Variants in DDX24 observed in about 807,000 individuals in gnomAD.
DDX24 encodes the protein DEAD-box helicase 24.
A neutral mutation model predicts 68.9 loss-of-function variants in DDX24; 24 were observed. The ratio of observed to expected loss-of-function variants is 0.35; its 90% CI spans 0.25 to 0.49. The LOEUF is 0.49. Among genes scored for constraint, DDX24 ranks in the 20% least tolerant of loss-of-function variants. The probability of loss-of-function intolerance (pLI) is 0.99; values close to 1 mark genes in which losing one functional copy is unlikely to be tolerated. For missense variants in DDX24, 989 were observed against 1,039.0 expected (o/e 0.95, Z 0.66); for synonymous variants, 395 against 385.2 (o/e 1.03, Z -0.30).
intron 2 of DDX24, among the ~76,000 whole-genome samples, chr14:94,069,976 C>T (rs1251370982): frequency 6.6e-6 from 1 of 152,128 alleles, no homozygotes; most frequent in African/African-American, 2.4e-5. Context: ...CTACTCTTAC[C>T]ACTCCTCTTC....
chr14:94,060,770 CTCTTGGCTT>C, intron 4 of DDX24, 134 bp downstream of exon 4: 1 of 1,467,438 alleles, frequency 6.8e-7, no homozygotes, highest in South Asian at 1.4e-5. Flanking sequence ...CCCTCATGCA[CTCTTGGCTT>C]TCTAAAGGCC....
At position 94,051,239 on chromosome 14, in the gene DDX24, C is replaced by A; in HGVS notation, c.2532G>T (p.Pro844=). The A allele has an allele frequency of 6.3e-7, 1 of 1,590,356 alleles. No homozygotes were observed. Among genetic ancestry groups the A allele is most frequent in the East Asian group, 2.3e-5 (1 of 44,344 alleles). The change falls in exon 9 of 9, where the codon CCG becomes CCT. Residue 844 remains proline (P), a synonymous_variant. Transcript: ENST00000621632. The part of the protein sequence containing the change: ...SKQKKKKTKK[P]KEPQPEQPQP... ...GTGGCTGTTCCGGCTGTGGCTCCTTCGGCTTCTTTGTCTTCTTCTTCTTCT... is the reference window on the plus strand; with the variant it reads ...GTGGCTGTTCCGGCTGTGGCTCCTTAGGCTTCTTTGTCTTCTTCTTCTTCT...
chr14:94,051,782 G>A (rs1885392915), intron 8 of DDX24: 1 of 283,806 alleles, frequency 3.5e-6, no homozygotes, highest in Non-Finnish European at 6.5e-6. Context: ...ATCAGACAGA[G>A]CCCAGAACCC....
In DDX24 at chr14:94,079,470, C is replaced by G. The variant is rs1886013852; in HGVS notation, c.273G>C (p.Lys91Asn). 1 of 1,613,914 alleles carries G rather than the reference C, an allele frequency of 6.2e-7. No homozygotes were observed. Among genetic ancestry groups the G allele is most frequent in the African/African-American group, 1.3e-5 (1 of 74,892 alleles). The change falls in exon 2 of 9, where the codon AAG becomes AAC. Residue 91 changes from lysine to asparagine, a missense_variant. This residue lies in a region of DDX24 where 295 missense variants were observed against 263.0 expected (regional missense o/e 1.12). Coordinates refer to ENST00000621632, the MANE Select transcript of DDX24 (RefSeq NM_020414.4). The part of the protein sequence containing the change: ...VSEEEEEEEG[K>N]SSSPKKKIKL... The stretch of plus-strand genomic sequence containing the variant: ...TGATCTTTTTCTTTGGTGAGCTAGA[C>G]TTTCCCTCCTCCTCCTCCTCTTCTT...
At chr14:94,066,060 A>C (rs1462515264) in intron 2 of DDX24, among the ~76,000 whole-genome samples, 1 of 152,208 alleles carries the variant, frequency 6.6e-6, no homozygotes, top group Non-Finnish European at 1.5e-5. Context: ...AGGTAGGGGA[A>C]GAACTAAAGC....
intron 2 of DDX24, among the ~76,000 whole-genome samples, chr14:94,072,006 G>C (rs1008229842): frequency 3.7e-4 from 57 of 152,182 alleles, no homozygotes; most frequent in African/African-American, 1.3e-3. Flanking sequence ...GTCCTGGTGG[G>C]AAAGCAAACT....
At chr14:94,051,726 A>ACCACCGAGATCTAC in intron 8 of DDX24, 1 of 390,934 alleles carries the variant, frequency 2.6e-6, no homozygotes, top group Non-Finnish European at 4.5e-6. Flanking sequence ...CAGATGAGGC[A>ACCACCGAGATCTAC]ACTCAGGGTT....
In DDX24 at chr14:94,062,624, TA is replaced by T. The variant is rs780440997; in HGVS notation, c.719-4del. ...AAAGGCAAGAGTTTTCCCACTTCCT[TA>T]AAAGTAAAAAAACAAAACAAAGTAA... On this transcript the variant is annotated splice_polypyrimidine_tract_variant and splice_region_variant and intron_variant, in intron 2 of 8. Coordinates refer to ENST00000621632, the MANE Select transcript of DDX24 (RefSeq NM_020414.4). The T allele has an allele frequency of 5.1e-6, 8 of 1,577,642 alleles. No individual in the cohort carries two copies. The highest frequency in any genetic ancestry group is 1.7e-4 in the Middle Eastern group (1 of 5,780).
rs1166248762 is a variant in DDX24, at chr14:94,050,877, CTTCT to C, written c.*310_*313del. 5 of 289,434 alleles carry C rather than the reference CTTCT, an allele frequency of 1.7e-5. No homozygotes were observed. Among genetic ancestry groups the C allele is most frequent in the South Asian group, 2.9e-4 (2 of 6,920 alleles). 17.9% of individuals were successfully genotyped at this position (289,434 alleles called of 1,614,324 possible). A position where few individuals can be genotyped will look rare whatever the true frequency, so the allele number is the denominator to read the frequency against. ...AAACAAACTACACCACCACCCCCAT[CTTCT>C]ATCTAAAAAAAAAAAAAAAAAATCA... On this transcript the variant is annotated 3_prime_UTR_variant, in exon 9 of 9. Coordinates refer to ENST00000621632, the MANE Select transcript of DDX24 (RefSeq NM_020414.4).
intron 8 of DDX24, among the ~76,000 whole-genome samples, chr14:94,052,497 G>A (rs1885406632): frequency 6.6e-6 from 1 of 152,196 alleles, no homozygotes; most frequent in African/African-American, 2.4e-5. Context: ...TTGGAAGGCA[G>A]GTGTAGTAGG....
chr14:94,068,787 T>C (rs1220502329), intron 2 of DDX24, among the ~76,000 whole-genome samples: 1 of 152,178 alleles, frequency 6.6e-6, no homozygotes, highest in Non-Finnish European at 1.5e-5. Context: ...AAAATCAGTT[T>C]GTAAATTTAA....
At position 94,079,613 on chromosome 14, in the gene DDX24, T is replaced by A. The variant is rs776217886; in HGVS notation, c.130A>T (p.Met44Leu). 2 of 1,614,174 alleles carry A rather than the reference T, an allele frequency of 1.2e-6. No homozygotes were observed. The highest frequency in any genetic ancestry group is 2.2e-5 in the South Asian group (2 of 91,076). ...TCCTCAAAGCACACCAAGTCATCCA[T>A]CTGTCCATCTGCAAACATATTTGGG... is the stretch of plus-strand genomic sequence containing the variant. ...IDPNMFADGQ[M>L]DDLVCFEELT... The change falls in exon 2 of 9, where the codon ATG becomes TTG. Residue 44 changes from methionine (M) to leucine (L), a missense_variant. By Grantham distance (15) the Met-to-Leu change is conservative (BLOSUM62 2). This residue lies in a region of DDX24 where 295 missense variants were observed against 263.0 expected (regional missense o/e 1.12). Transcript: ENST00000621632.
Position 94,062,092 on chromosome 14 carries a change from C to T in DDX24, c.1243+5G>A. The T allele has an allele frequency of 6.2e-7, 1 of 1,601,612 alleles. No individual in the cohort carries two copies. Among genetic ancestry groups the T allele is most frequent in the Non-Finnish European group, 8.5e-7 (1 of 1,173,456 alleles). The stretch of plus-strand genomic sequence containing the variant: ...AAATATTTATTAAATGGAACTAAAC[C>T]TCACCTGTAAACCTGGCCACAGCAT... On this transcript the variant is annotated splice_donor_5th_base_variant and intron_variant, in intron 3 of 8. Coordinates refer to ENST00000621632, the MANE Select transcript of DDX24 (RefSeq NM_020414.4).
intron 2 of DDX24, among the ~76,000 whole-genome samples, chr14:94,073,809 C>T (rs903103729): frequency 5.9e-5 from 9 of 151,950 alleles, no homozygotes; most frequent in South Asian, 2.1e-4. Flanking sequence ...TTTGGGAGGC[C>T]GAGGCGAGCA....
At chr14:94,079,842 A>C in intron 1 of DDX24, 95 bp from the exon 2 acceptor site, 1 of 1,130,160 alleles carries the variant, frequency 8.8e-7, no homozygotes, top group Admixed American at 2.1e-5. Context: ...CCCTACAAAG[A>C]ACTGAGGATA....
At chr14:94,060,652 G>C in intron 4 of DDX24, 39 bp from the exon 5 acceptor site, 1 of 1,594,746 alleles carries the variant, frequency 6.3e-7, no homozygotes, top group Non-Finnish European at 8.5e-7. Flanking sequence ...GGTCAGCAGC[G>C]GGTTAAGAGG....
chr14:94,052,819 A>G lies in DDX24; in HGVS notation c.2308+179T>C, dbSNP rs58202510. Among the ~76,000 whole-genome samples, 648 of 152,352 alleles carry G rather than the reference A, an allele frequency of 4.3e-3. 10 individuals carry two copies. The highest frequency in any genetic ancestry group is 0.015 in the African/African-American group (612 of 41,578). On this transcript the variant is annotated intron_variant, in intron 8 of 8. Transcript: ENST00000621632. Reference sequence around the variant, plus strand: ...AGCTGAGGGCACAAGACAGAGACAGAGGAAACAAAGACTGACCGAGGGCAG... The same window carrying G: ...AGCTGAGGGCACAAGACAGAGACAGGGGAAACAAAGACTGACCGAGGGCAG...
At position 94,062,150 on chromosome 14, in the gene DDX24, C is replaced by T. The variant is rs772902168; in HGVS notation, c.1190G>A (p.Arg397Gln). ...PLLGLVLTPTRELAVQVKQHI... is the reference protein window; with the variant it reads ...PLLGLVLTPTQELAVQVKQHI... The stretch of plus-strand genomic sequence containing the variant: ...CTGTTTGACCTGGACGGCCAGCTCT[C>T]GAGTGGGAGTCAGAACCAGTCCAAG... The change falls in exon 3 of 9, where the codon CGA becomes CAA. Residue 397 changes from arginine (R) to glutamine (Q), a missense_variant. Around this residue, in one of 3 missense-constraint regions of DDX24, gnomAD observed 691 missense variants for 760.0 expected, o/e 0.91. Transcript: ENST00000621632. The T allele has an allele frequency of 3.1e-6, 5 of 1,614,070 alleles. No homozygotes were observed. The highest frequency in any genetic ancestry group is 3.3e-5 in the Admixed American group (2 of 60,014).
chr14:94,058,303 T>C (rs929884273), intron 5 of DDX24, among the ~76,000 whole-genome samples: 3 of 152,164 alleles, frequency 2.0e-5, no homozygotes, highest in African/African-American at 7.2e-5. Context: ...CCTCCAAGCC[T>C]TTGCACTTGC....
Sources: gnomAD v4.1 joint callset for allele counts (sites outside exome capture counted in the v4.1 genomes callset) on GRCh38, gnomAD v4.1.1 for gene constraint, gnomAD v4.1.1 regional missense constraint, MANE v1.5 for transcripts, NCBI Gene and HGNC (gene_info 2026-07-23, HGNC 2026-07-21) for gene names.